GADL1: variants seen among roughly 807,000 people sequenced by gnomAD.
GADL1 encodes GAD like acidic amino acid decarboxylase 1.
In GADL1, 71 loss-of-function variants were observed where a neutral mutation model predicts 69.5. That is an observed-to-expected ratio of 1.02 (90% CI 0.84 to 1.25). The LOEUF (loss-of-function observed/expected upper bound fraction) is 1.25, where lower values mean the gene tolerates loss of function less well. GADL1 is among the 50% of genes most tolerant of loss of function. The pLI is 0.00. For synonymous variants in GADL1, 254 were observed against 214.4 expected, an observed-to-expected ratio of 1.18 and a Z score of -1.62; for missense variants, 737 against 631.8, an observed-to-expected ratio of 1.17 and a Z score of -1.79.
At chr3:30,766,856 C>A (rs1472067287) in intron 14 of GADL1, among the ~76,000 whole-genome samples, 2 of 151,868 alleles carry the variant, frequency 1.3e-5, no homozygotes, top group Non-Finnish European at 2.9e-5. Flanking sequence ...AGGGGGGAAA[C>A]ATGAGTGACA....
rs937565246 is a variant in GADL1, at chr3:30,727,965, T to C, written c.*277A>G. 3.7e-6 allele frequency: 1 copy of C among 272,060 alleles called. No individual in the cohort carries two copies. The highest frequency in any genetic ancestry group is 6.9e-6 in the Non-Finnish European group (1 of 143,938). The allele number at this position is 272,060 out of a possible 1,614,324, so 16.9% of individuals were successfully genotyped here. ...GTAAGCTTAGAATCCAGAACCTACA[T>C]GGTACTTACTAAACTCTCTTCAGAG... On this transcript the variant is annotated 3_prime_UTR_variant, in exon 15 of 15. Coordinates refer to ENST00000282538, the MANE Select transcript of GADL1 (RefSeq NM_207359.3).
chr3:30,807,256 C>T (rs1697271973), intron 11 of GADL1, among the ~76,000 whole-genome samples: 1 of 152,184 alleles, frequency 6.6e-6, no homozygotes, highest in Non-Finnish European at 1.5e-5. Flanking sequence ...TTTATTTCCC[C>T]AGGCAAGCTA....
chr3:30,756,509 CTA>C (rs1166437921), intron 14 of GADL1, among the ~76,000 whole-genome samples: 5 of 152,192 alleles, frequency 3.3e-5, no homozygotes, highest in Non-Finnish European at 4.4e-5. Context: ...CAGGTGAAGT[CTA>C]TTCCTCATCT....
At chr3:30,756,554 G>C (rs1328705803) in intron 14 of GADL1, among the ~76,000 whole-genome samples, 1 of 151,988 alleles carries the variant, frequency 6.6e-6, no homozygotes, top group South Asian at 2.1e-4. Flanking sequence ...AATTTGCTTT[G>C]GTTCATAGAA....
chr3:30,884,186 C>T (rs1698676425), intron 1 of GADL1, among the ~76,000 whole-genome samples: 1 of 151,976 alleles, frequency 6.6e-6, no homozygotes, highest in Non-Finnish European at 1.5e-5. Flanking sequence ...GCAACAGCCA[C>T]AGTAGTCACA....
chr3:30,743,743 T>G (rs1381708156), intron 14 of GADL1, among the ~76,000 whole-genome samples: 2 of 152,184 alleles, frequency 1.3e-5, no homozygotes, highest in Non-Finnish European at 2.9e-5. Context: ...TAAATTTTAT[T>G]ATTGTTCTTC....
At chr3:30,873,396 G>C (rs967583869) in intron 1 of GADL1, among the ~76,000 whole-genome samples, 4 of 151,858 alleles carry the variant, frequency 2.6e-5, no homozygotes, top group African/African-American at 9.7e-5. Flanking sequence ...AATTGCCCAA[G>C]TCATATAGCT....
chr3:30,735,238 T>C (rs1334244465), intron 14 of GADL1, among the ~76,000 whole-genome samples: 2 of 152,218 alleles, frequency 1.3e-5, no homozygotes, highest in Non-Finnish European at 2.9e-5. Flanking sequence ...TGTTTGTTAA[T>C]GAAAAATTTA....
chr3:30,836,278 C>A (rs1310080633), intron 9 of GADL1, among the ~76,000 whole-genome samples: 1 of 151,866 alleles, frequency 6.6e-6, no homozygotes, highest in Non-Finnish European at 1.5e-5. Flanking sequence ...AATAATCTCC[C>A]AATTCTAGTG....
chr3:30,884,474 C>T (rs1004193567), intron 1 of GADL1, among the ~76,000 whole-genome samples: 1 of 152,002 alleles, frequency 6.6e-6, no homozygotes, highest in Non-Finnish European at 1.5e-5. Flanking sequence ...GAGATGGAAT[C>T]TGAGCACAGG....
At position 30,752,444 on chromosome 3, in the gene GADL1, C is replaced by T. The variant is rs562308705; in HGVS notation, c.1393-24029G>A. On this transcript the variant is annotated intron_variant, in intron 14 of 14. Coordinates refer to ENST00000282538, the MANE Select transcript of GADL1 (RefSeq NM_207359.3). The stretch of plus-strand genomic sequence containing the variant: ...GTAACAATGGAGTCTGTGCCGCAGC[C>T]AGTCTCTGCTTTTAGATAATGCTCT... 2.5e-3 allele frequency among the ~76,000 whole-genome samples: 364 copies of T among 147,756 alleles called. 1 individual carries two copies. Among genetic ancestry groups the T allele is most frequent in the Middle Eastern group, 6.8e-3 (2 of 294 alleles).
chr3:30,865,658 A>G (rs1698391622), intron 1 of GADL1, among the ~76,000 whole-genome samples: 1 of 152,022 alleles, frequency 6.6e-6, no homozygotes, highest in Non-Finnish European at 1.5e-5. Context: ...AGGCTGAAAG[A>G]ACCCCGGGAA....
chr3:30,730,998 T>G (rs1454548207), intron 14 of GADL1, among the ~76,000 whole-genome samples: 1 of 152,222 alleles, frequency 6.6e-6, no homozygotes, highest in Non-Finnish European at 1.5e-5. Context: ...TTGACTTAGG[T>G]TCATCATAAA....
intron 14 of GADL1, among the ~76,000 whole-genome samples, chr3:30,763,520 T>TGGGGGTGGG (rs1204898315): frequency 1.2e-5 from 1 of 83,982 alleles, no homozygotes; most frequent in African/African-American, 5.0e-5. Context: ...GGGGTGGGGG[T>TGGGGGTGGG]GGGGGGGAAT....
chr3:30,825,920 C>G (rs1275388153), intron 11 of GADL1, among the ~76,000 whole-genome samples: 2 of 151,806 alleles, frequency 1.3e-5, no homozygotes, highest in Non-Finnish European at 2.9e-5. Flanking sequence ...GCACATGTAT[C>G]CCAGAACTTA....
At chr3:30,761,892 T>C (rs1299673236) in intron 14 of GADL1, among the ~76,000 whole-genome samples, 2 of 152,180 alleles carry the variant, frequency 1.3e-5, no homozygotes, top group East Asian at 1.9e-4. Context: ...TCACAGGATA[T>C]ATAATATGAA....
At chr3:30,796,813 ATCGC>A (rs1697041823) in intron 12 of GADL1, among the ~76,000 whole-genome samples, 1 of 152,148 alleles carries the variant, frequency 6.6e-6, no homozygotes, top group Non-Finnish European at 1.5e-5. Context: ...TAATGTTTCC[ATCGC>A]TTACTACCGA....
Position 30,740,543 on chromosome 3 carries a change from A to G in GADL1, c.1393-12128T>C, listed in dbSNP as rs192670112. On this transcript the variant is annotated intron_variant, in intron 14 of 14. Coordinates refer to ENST00000282538, the MANE Select transcript of GADL1 (RefSeq NM_207359.3). ...TAGTAATAAATTACTATTTCACACA[A>G]TTGAACCTCTACGTACGTCCTAAAG... Among the ~76,000 whole-genome samples the G allele has an allele frequency of 2.0e-5, 3 of 152,142 alleles. No homozygotes were observed. In the South Asian group the frequency reaches 6.2e-4, roughly 31 times the overall value.
At chr3:30,881,839 T>A (rs972450253) in intron 1 of GADL1, among the ~76,000 whole-genome samples, 2 of 151,940 alleles carry the variant, frequency 1.3e-5, no homozygotes, top group African/African-American at 4.8e-5. Context: ...AATTAGGTCA[T>A]GAGGGCTCCA....
Sources: allele counts gnomAD v4.1 joint callset (sites outside exome capture counted in the v4.1 genomes callset), GRCh38; gene constraint gnomAD v4.1.1; transcripts MANE v1.5; gene names NCBI Gene and HGNC (gene_info 2026-07-23, HGNC 2026-07-21).